TBC1D5: variants seen among roughly 807,000 people sequenced by gnomAD.
The protein encoded by TBC1D5 is TBC1 domain family, member 5.
In TBC1D5, 75 loss-of-function variants were observed where a neutral mutation model predicts 100.3. That is an observed-to-expected ratio of 0.75 (90% confidence interval 0.62 to 0.91). The LOEUF (loss-of-function observed/expected upper bound fraction) is 0.91. Among genes scored for constraint, TBC1D5 ranks in the 40% least tolerant of loss-of-function variants. The pLI is 0.00. For synonymous variants in TBC1D5, 323 were observed against 325.6 expected, an observed-to-expected ratio of 0.99 and a Z score of 0.09; for missense variants, 910 against 942.4, an observed-to-expected ratio of 0.97 and a Z score of 0.45.
At chr3:17,716,694 C>G (rs1306375956) in intron 1 of TBC1D5, among the ~76,000 whole-genome samples, 1 of 152,084 alleles carries the variant, frequency 6.6e-6, no homozygotes, top group African/African-American at 2.4e-5. Flanking sequence ...TTCTCAACTC[C>G]TTTTTCATGT....
At chr3:17,192,702 G>C (rs1021520160) in intron 18 of TBC1D5, among the ~76,000 whole-genome samples, 3 of 152,182 alleles carry the variant, frequency 2.0e-5, no homozygotes, top group African/African-American at 7.2e-5. Flanking sequence ...TTTCAGAACT[G>C]GAAATGTCTT....
intron 2 of TBC1D5, among the ~76,000 whole-genome samples, chr3:17,613,623 T>C (rs1016472644): frequency 1.3e-5 from 2 of 152,258 alleles, no homozygotes; most frequent in Non-Finnish European, 2.9e-5. Context: ...GACTTGCATT[T>C]CTCTGATGAC....
At chr3:17,497,036 G>A (rs1365462847) in intron 3 of TBC1D5, among the ~76,000 whole-genome samples, 2 of 150,934 alleles carry the variant, frequency 1.3e-5, no homozygotes, top group East Asian at 3.9e-4. Context: ...CTGCTTTTAT[G>A]AGCTCTGTTT....
chr3:17,384,749 G>A (rs1292011813), intron 8 of TBC1D5, among the ~76,000 whole-genome samples: 1 of 151,970 alleles, frequency 6.6e-6, no homozygotes, highest in African/African-American at 2.4e-5. Flanking sequence ...CAAGAATGCA[G>A]CATAACATGG....
chr3:17,491,982 G>A (rs1160805190), intron 3 of TBC1D5, among the ~76,000 whole-genome samples: 4 of 152,064 alleles, frequency 2.6e-5, no homozygotes, highest in African/African-American at 9.7e-5. Flanking sequence ...AACTTATTAT[G>A]GGTTTATTAA....
chr3:17,214,150 G>A (rs1244941353), intron 18 of TBC1D5, 57 bp downstream of exon 19: 19 of 1,540,566 alleles, frequency 1.2e-5, no homozygotes, highest in Non-Finnish European at 1.6e-5. Flanking sequence ...TTTCATAAAT[G>A]CAGCACTCTA....
At chr3:17,726,483 T>C (rs534017457) in intron 1 of TBC1D5, among the ~76,000 whole-genome samples, 1 of 152,358 alleles carries the variant, frequency 6.6e-6, no homozygotes, top group African/African-American at 2.4e-5. Flanking sequence ...CATTTATTCA[T>C]ATGCTTATGG....
intron 17 of TBC1D5, among the ~76,000 whole-genome samples, chr3:17,233,238 A>T (rs1477522353): frequency 1.3e-5 from 2 of 152,204 alleles, no homozygotes; most frequent in Non-Finnish European, 2.9e-5. Context: ...ACTTAAAAAC[A>T]TTTCAAAATC....
chr3:17,590,226 G>T (rs1288244443), intron 2 of TBC1D5, among the ~76,000 whole-genome samples: 3 of 152,218 alleles, frequency 2.0e-5, no homozygotes, highest in Admixed American at 6.5e-5. Context: ...ACAGGCATGG[G>T]AATGTACATT....
chr3:17,248,145 C>T (rs1381078621), intron 16 of TBC1D5, among the ~76,000 whole-genome samples: 3 of 152,158 alleles, frequency 2.0e-5, no homozygotes, highest in Non-Finnish European at 1.5e-5. Context: ...GCACCCGCCA[C>T]CACACCCAGC....
intron 15 of TBC1D5, among the ~76,000 whole-genome samples, chr3:17,279,184 G>T (rs1448727449): frequency 6.6e-6 from 1 of 152,156 alleles, no homozygotes; most frequent in South Asian, 2.1e-4. Context: ...TTTTACAAAA[G>T]AAATTATATT....
chr3:17,366,002 C>G lies in TBC1D5; in HGVS notation c.995+6073G>C, dbSNP rs188501051. 2.0e-5 allele frequency among the ~76,000 whole-genome samples: 3 copies of G among 152,126 alleles called. No homozygotes were observed. The South Asian group carries it at 6.2e-4, about 32-fold the overall frequency. On this transcript the variant is annotated intron_variant, in intron 13 of 21. Coordinates refer to ENST00000253692, the Ensembl canonical transcript of TBC1D5. ...TGTTATTAGGTTAAATAAGATAAAG[C>G]CTTTTGGCCAGGTGTGCTGGCTCAC...
Position 17,646,610 on chromosome 3 carries a change from C to A in TBC1D5, c.-100-22697G>T, listed in dbSNP as rs528765529. Among the ~76,000 whole-genome samples, 8 of 152,206 alleles carry A rather than the reference C, an allele frequency of 5.3e-5. No homozygotes were observed. The South Asian group carries it at 1.7e-3, about 32-fold the overall frequency. ...TTTTACATCAATAATCTGGTTCAGG[C>A]AATCACCATCATGCCCCTGGACTAA... On this transcript the variant is annotated intron_variant, in intron 1 of 21. Coordinates refer to ENST00000253692, the Ensembl canonical transcript of TBC1D5.
chr3:17,385,855 T>TG (rs2093131624), intron 8 of TBC1D5, among the ~76,000 whole-genome samples: 1 of 152,002 alleles, frequency 6.6e-6, no homozygotes, highest in African/African-American at 2.4e-5. Context: ...CAAATAGGGG[T>TG]GGCACAATTA....
intron 2 of TBC1D5, among the ~76,000 whole-genome samples, chr3:17,525,211 C>T (rs1311260000): frequency 6.6e-6 from 1 of 152,084 alleles, no homozygotes; most frequent in Non-Finnish European, 1.5e-5. Context: ...CTCACTGCAA[C>T]CTCCGACCCC....
At chr3:17,190,964 C>T (rs908689556) in intron 18 of TBC1D5, among the ~76,000 whole-genome samples, 4 of 152,122 alleles carry the variant, frequency 2.6e-5, no homozygotes, top group African/African-American at 9.7e-5. Context: ...GGAAAGGCCA[C>T]GGATGTTCGG....
intron 14 of TBC1D5, among the ~76,000 whole-genome samples, chr3:17,297,583 A>C (rs1019144588): frequency 2.6e-5 from 4 of 151,874 alleles, no homozygotes; most frequent in Non-Finnish European, 5.9e-5. Context: ...AAAAAAAAAA[A>C]AAAAATTTCT....
intron 1 of TBC1D5, among the ~76,000 whole-genome samples, chr3:17,701,900 A>T (rs533599024): frequency 4.8e-4 from 73 of 152,124 alleles, no homozygotes; most frequent in Admixed American, 1.3e-3. Flanking sequence ...CTATAAATAA[A>T]CAAAATAAGG....
At chr3:17,190,338 G>C (rs2069713910) in intron 18 of TBC1D5, among the ~76,000 whole-genome samples, 1 of 152,134 alleles carries the variant, frequency 6.6e-6, no homozygotes, top group African/African-American at 2.4e-5. Context: ...TTACAATTCT[G>C]GAAAGGGAAG....
Sources: allele counts gnomAD v4.1 joint callset (sites outside exome capture counted in the v4.1 genomes callset), GRCh38; gene constraint gnomAD v4.1.1; transcripts MANE v1.5; gene names NCBI Gene and HGNC (gene_info 2026-07-23, HGNC 2026-07-21).